Variants in PHIP observed in about 807,000 individuals in gnomAD.
PHIP encodes the protein PHIP subunit of CUL4-Ring ligase complex, also known as PH-interacting protein.
Under a neutral mutation model 236.8 loss-of-function variants are expected in PHIP, and 54 were observed. The ratio of observed to expected loss-of-function variants is 0.23; its 90% CI spans 0.18 to 0.29. PHIP has a LOEUF of 0.29. Ranked by LOEUF, PHIP falls within the 10% of genes least tolerant of loss-of-function variation. PHIP has a pLI of 1.00. For synonymous variants in PHIP, 756 were observed against 718.9 expected (o/e 1.05, Z -0.83); for missense variants, 1,370 against 2,190.8 (o/e 0.63, Z 7.48).
In PHIP at chr6:79,043,958, C is replaced by T. The variant is rs146329006; in HGVS notation, c.440-955G>A. Among the ~76,000 whole-genome samples, 267 of 151,448 alleles carry T rather than the reference C, an allele frequency of 1.8e-3. 1 individual carries two copies. The highest frequency in any genetic ancestry group is 6.1e-3 in the African/African-American group (253 of 41,312). ...ATACTACTTAGCCAAGGTACAGAGC[C>T]CAGTAATTATGCCCTAAAGTTGATA... On this transcript the variant is annotated intron_variant, in intron 6 of 39. Transcript: ENST00000275034.
chr6:78,987,508 T>C (rs1011355315), intron 21 of PHIP, among the ~76,000 whole-genome samples: 1 of 152,168 alleles, frequency 6.6e-6, no homozygotes, highest in African/African-American at 2.4e-5. Flanking sequence ...AATTCTCATA[T>C]ATGCCTAGCA....
chr6:78,965,019 C>T (rs1767042665), intron 29 of PHIP, among the ~76,000 whole-genome samples: 1 of 152,096 alleles, frequency 6.6e-6, no homozygotes, highest in Admixed American at 6.6e-5. Flanking sequence ...GTCCCAACGT[C>T]CTTTTCTCAG....
chr6:79,048,000 T>C (rs1022638236), intron 6 of PHIP, among the ~76,000 whole-genome samples: 12 of 150,708 alleles, frequency 8.0e-5, no homozygotes, highest in African/African-American at 2.7e-4. Flanking sequence ...TATATACATA[T>C]GTATTTTTTT....
intron 4 of PHIP, among the ~76,000 whole-genome samples, chr6:79,076,151 G>T (rs1055376450): frequency 2.0e-5 from 3 of 151,916 alleles, no homozygotes; most frequent in African/African-American, 7.3e-5. Flanking sequence ...GCCTTGAGCG[G>T]TTATCAACAT....
At chr6:78,974,260 C>G (rs1222305317) in intron 24 of PHIP, among the ~76,000 whole-genome samples, 3 of 151,974 alleles carry the variant, frequency 2.0e-5, no homozygotes, top group Non-Finnish European at 4.4e-5. Flanking sequence ...ACTGAACAAC[C>G]TGCTCCTGAA....
At chr6:78,986,857 T>G (rs1049455369) in intron 21 of PHIP, among the ~76,000 whole-genome samples, 2 of 152,218 alleles carry the variant, frequency 1.3e-5, no homozygotes, top group African/African-American at 4.8e-5. Flanking sequence ...TTAACAAATT[T>G]AATCACTGCT....
intron 29 of PHIP, 106 bp from the exon 30 acceptor site, chr6:78,963,358 T>G: frequency 1.2e-6 from 1 of 833,682 alleles, no homozygotes; most frequent in Non-Finnish European, 1.8e-6. Flanking sequence ...ATATTTTGTA[T>G]AGATTTGTAA....
chr6:78,988,461 G>GC (rs1264295727), intron 20 of PHIP, 112 bp from the exon 21 acceptor site: 2 of 699,358 alleles, frequency 2.9e-6, no homozygotes, highest in Admixed American at 6.4e-5. Flanking sequence ...GGTGGCGCAT[G>GC]CCTATAGTCC....
chr6:79,007,662 T>C, intron 15 of PHIP, among the ~76,000 whole-genome samples: 1 of 149,786 alleles, frequency 6.7e-6, no homozygotes, highest in East Asian at 1.9e-4. Flanking sequence ...TTCTTTTTTT[T>C]TTTTTTTTTT....
In PHIP at chr6:78,970,945, C is replaced by T. The variant is rs945752898; in HGVS notation, c.2890-57G>A. The T allele has an allele frequency of 2.4e-5, 27 of 1,145,590 alleles. No individual in the cohort carries two copies. The African/African-American group carries it at 3.8e-4, about 16-fold the overall frequency. The allele number at this position is 1,145,590 out of a possible 1,614,324, so 71.0% of individuals were successfully genotyped here. On this transcript the variant is annotated intron_variant, in intron 24 of 39. Transcript: ENST00000275034. Reference sequence around the variant, plus strand: ...GATGTGTTTCCTTTAATCCAATATACAGGGTATCAGCTGAAATTGCAAAGA... The same window carrying T: ...GATGTGTTTCCTTTAATCCAATATATAGGGTATCAGCTGAAATTGCAAAGA...
intron 24 of PHIP, 71 bp downstream of exon 24, chr6:78,978,521 A>G (rs1464593620): frequency 1.6e-6 from 2 of 1,266,958 alleles, no homozygotes. Flanking sequence ...CCAGAAGTCT[A>G]TTTCAAGAGC....
intron 15 of PHIP, among the ~76,000 whole-genome samples, chr6:79,008,053 T>C (rs532455996): frequency 1.9e-5 from 1 of 52,616 alleles, no homozygotes; most frequent in Admixed American, 2.0e-4. Context: ...CTTGGGAGGC[T>C]GAGGCAGGCA....
intron 6 of PHIP, among the ~76,000 whole-genome samples, chr6:79,059,715 G>GA (rs1773269864): frequency 6.6e-6 from 1 of 150,660 alleles, no homozygotes; most frequent in Non-Finnish European, 1.5e-5. Context: ...ACAGGTGGAA[G>GA]AAAGAAGAGT....
intron 9 of PHIP, among the ~76,000 whole-genome samples, chr6:79,021,676 A>C (rs964546405): frequency 6.6e-6 from 1 of 152,220 alleles, no homozygotes; most frequent in Non-Finnish European, 1.5e-5. Flanking sequence ...TCTAAAAATC[A>C]AAACAGTTGA....
At chr6:78,984,145 C>CCT (rs1246175694) in intron 22 of PHIP, among the ~76,000 whole-genome samples, 2 of 152,108 alleles carry the variant, frequency 1.3e-5, no homozygotes, top group Non-Finnish European at 1.5e-5. Context: ...CCCCACTACC[C>CCT]CTCTCCACTG....
In PHIP at chr6:79,043,953, A is replaced by G. The variant is rs567611502; in HGVS notation, c.440-950T>C. On this transcript the variant is annotated intron_variant, in intron 6 of 39. Transcript: ENST00000275034. Reference sequence around the variant, plus strand: ...ACAAAATACTACTTAGCCAAGGTACAGAGCCCAGTAATTATGCCCTAAAGT... The same window carrying G: ...ACAAAATACTACTTAGCCAAGGTACGGAGCCCAGTAATTATGCCCTAAAGT... 6.6e-4 allele frequency among the ~76,000 whole-genome samples: 101 copies of G among 152,148 alleles called. 2 individuals carry two copies. Among genetic ancestry groups the G allele is most frequent in the Non-Finnish European group, 1.1e-3 (75 of 67,980 alleles).
At chr6:79,012,624 T>C (rs1214408386) in intron 15 of PHIP, among the ~76,000 whole-genome samples, 3 of 151,750 alleles carry the variant, frequency 2.0e-5, no homozygotes, top group Non-Finnish European at 4.4e-5. Context: ...TATCGTGGTA[T>C]TTTAGTAACT....
intron 36 of PHIP, among the ~76,000 whole-genome samples, 186 bp downstream of exon 36, chr6:78,947,437 T>C (rs1243907850): frequency 6.6e-6 from 1 of 152,188 alleles, no homozygotes; most frequent in African/African-American, 2.4e-5. Context: ...ACATCAAAGA[T>C]AACATCAATG....
intron 35 of PHIP, among the ~76,000 whole-genome samples, chr6:78,950,891 T>C (rs1380521722): frequency 6.6e-6 from 1 of 152,154 alleles, no homozygotes; most frequent in African/African-American, 2.4e-5. Flanking sequence ...CTTTGGGTGA[T>C]TTTACTCTTC....
Sources: allele counts gnomAD v4.1 joint callset (sites outside exome capture counted in the v4.1 genomes callset), GRCh38; gene constraint gnomAD v4.1.1; transcripts MANE v1.5; gene names NCBI Gene and HGNC (gene_info 2026-07-23, HGNC 2026-07-21).